MYBL1: variants seen among roughly 807,000 people sequenced by gnomAD.
MYBL1 encodes the protein myb-related protein A.
Under a neutral mutation model 96.3 loss-of-function variants are expected in MYBL1, and 17 were observed. The ratio of observed to expected loss-of-function variants is 0.18; its 90% CI spans 0.12 to 0.26. The LOEUF is 0.26. Among genes scored for constraint, MYBL1 ranks in the 10% least tolerant of loss-of-function variants. MYBL1 has a pLI of 1.00. For missense variants in MYBL1, 701 were observed against 882.9 expected (o/e 0.79, Z 2.61); for synonymous variants, 282 against 292.7 (o/e 0.96, Z 0.37).
Position 66,612,870 on chromosome 8 carries a change from G to T in MYBL1, c.-32C>A, listed in dbSNP as rs1393540410. The T allele has an allele frequency of 4.5e-6, 6 of 1,345,566 alleles. No individual in the cohort carries two copies. Among genetic ancestry groups the T allele is most frequent in the Non-Finnish European group, 5.8e-6 (6 of 1,038,432 alleles). 83.4% of individuals were successfully genotyped at this position (1,345,566 alleles called of 1,614,324 possible). A position where few individuals can be genotyped will look rare whatever the true frequency, so the allele number is the denominator to read the frequency against. ...AGTACCGCATAGGAGCAGGCTGGGC[G>T]GGGACGCGGGTCAGCCTCCTCCAGC... On this transcript the variant is annotated 5_prime_UTR_variant, in exon 1 of 16. Transcript: ENST00000522677.
intron 1 of MYBL1, 84 bp downstream of exon 1, chr8:66,612,735 A>G: frequency 1.5e-6 from 2 of 1,292,068 alleles, no homozygotes; most frequent in Non-Finnish European, 2.0e-6. Flanking sequence ...GGAGGGCCTT[A>G]TGGCGGGAGG....
rs757764108 is a variant in MYBL1 at position 66,576,144 on chromosome 8, C to T, written c.1333G>A (p.Ala445Thr). Residue 445 changes from alanine (A) to threonine (T), a missense_variant, in exon 10 of 16, where the codon GCC becomes ACC. This residue lies in a region of MYBL1 where 396 missense variants were observed against 407.4 expected (regional missense o/e 0.97). Coordinates refer to ENST00000522677, the MANE Select transcript of MYBL1 (RefSeq NM_001080416.4). ...PNIAKFSTPP[A>T]ILRKKRKMRV... ...ATTTTTCTCTTCTTTCTGAGGATGG[C>T]TGGTGGAGTGCTAAACTTGGCTATA... 3.7e-6 allele frequency: 6 copies of T among 1,613,944 alleles called. No individual in the cohort carries two copies. The highest frequency in any genetic ancestry group is 3.3e-4 in the Middle Eastern group (2 of 6,062).
chr8:66,599,369 A>T (rs1244850047), intron 3 of MYBL1, among the ~76,000 whole-genome samples: 2 of 152,248 alleles, frequency 1.3e-5, no homozygotes, highest in Non-Finnish European at 2.9e-5. Context: ...TTTATTTAAA[A>T]CTAAAGTGTG....
intron 3 of MYBL1, among the ~76,000 whole-genome samples, chr8:66,600,417 A>T (rs1810022905): frequency 1.3e-5 from 2 of 152,232 alleles, no homozygotes; most frequent in South Asian, 4.1e-4. Context: ...TTTAAGGCTG[A>T]CACTTTCTTC....
intron 1 of MYBL1, among the ~76,000 whole-genome samples, chr8:66,608,203 A>G (rs752258137): frequency 6.6e-6 from 1 of 152,150 alleles, no homozygotes; most frequent in Non-Finnish European, 1.5e-5. Flanking sequence ...CTTACTTTTT[A>G]CCCACATACT....
At chr8:66,602,742 T>C (rs1293546252) in intron 1 of MYBL1, among the ~76,000 whole-genome samples, 1 of 99,320 alleles carries the variant, frequency 1.0e-5, no homozygotes, top group African/African-American at 4.2e-5. Context: ...TATTTTTTTT[T>C]TTTTTTTTTT....
At position 66,580,355 on chromosome 8, in the gene MYBL1, A is replaced by G; in HGVS notation, c.879T>C (p.Ser293=). 1.3e-6 allele frequency: 2 copies of G among 1,599,492 alleles called. No homozygotes were observed. Among genetic ancestry groups the G allele is most frequent in the Non-Finnish European group, 1.7e-6 (2 of 1,168,456 alleles). ...GGAAACTACCAGACCAGCTAGAAAA[A>G]CTTCCAGGCTGCTAAAGGTACAAAA... is the stretch of plus-strand genomic sequence containing the variant. ...RRKRIPSQPG[S]FSSWSGSFLM... is the part of the protein sequence containing the mutation. Residue 293 remains serine, a synonymous_variant, in exon 9 of 16, where the codon AGT becomes AGC. Coordinates refer to ENST00000522677, the MANE Select transcript of MYBL1 (RefSeq NM_001080416.4).
intron 8 of MYBL1, among the ~76,000 whole-genome samples, chr8:66,590,727 G>A (rs1372252974): frequency 2.0e-5 from 3 of 151,802 alleles, no homozygotes; most frequent in Non-Finnish European, 4.4e-5. Flanking sequence ...AAGGCTCAAG[G>A]CATTATTTTA....
At position 66,592,431 on chromosome 8, in the gene MYBL1, A is replaced by G; in HGVS notation, c.867+9T>C. 6.5e-7 allele frequency: 1 copy of G among 1,534,566 alleles called. No homozygotes were observed. Among genetic ancestry groups the G allele is most frequent in the Non-Finnish European group, 8.9e-7 (1 of 1,124,282 alleles). The stretch of plus-strand genomic sequence containing the variant: ...TTCTAACAATACAAATAACAAGCTT[A>G]TTTCTTACTGATGGAATTCGCTTTC... On this transcript the variant is annotated intron_variant, in intron 8 of 15. Coordinates refer to ENST00000522677, the MANE Select transcript of MYBL1 (RefSeq NM_001080416.4).
At chr8:66,601,807 C>A (rs1438834143) in intron 2 of MYBL1, 38 bp from the exon 3 acceptor site, 5 of 1,096,194 alleles carry the variant, frequency 4.6e-6, no homozygotes, top group Non-Finnish European at 6.6e-6. Flanking sequence ...GCTTTCCCCC[C>A]GTCCTTTTCC....
At chr8:66,570,718 A>G (rs1303716751) in intron 12 of MYBL1, among the ~76,000 whole-genome samples, 1 of 152,230 alleles carries the variant, frequency 6.6e-6, no homozygotes, top group Non-Finnish European at 1.5e-5. Context: ...CAAAACACTG[A>G]AACAGCCTAA....
intron 3 of MYBL1, among the ~76,000 whole-genome samples, chr8:66,600,738 T>C (rs1810035615): frequency 6.6e-6 from 1 of 152,192 alleles, no homozygotes; most frequent in South Asian, 2.1e-4. Flanking sequence ...ATCTCAATTT[T>C]TGGGTTATGT....
intron 9 of MYBL1, 103 bp from the exon 10 acceptor site, chr8:66,576,478 T>A (rs1808952949): frequency 7.4e-7 from 1 of 1,343,886 alleles, no homozygotes; most frequent in Non-Finnish European, 1.0e-6. Context: ...ACAACTCATT[T>A]TATCAGTAAA....
intron 12 of MYBL1, among the ~76,000 whole-genome samples, chr8:66,570,486 T>G (rs1808685483): frequency 6.6e-6 from 1 of 152,138 alleles, no homozygotes; most frequent in South Asian, 2.1e-4. Context: ...TCCACTTATA[T>G]GTTCACCAAA....
chr8:66,607,777 A>G (rs1810380205), intron 1 of MYBL1, among the ~76,000 whole-genome samples: 1 of 152,208 alleles, frequency 6.6e-6, no homozygotes, highest in East Asian at 1.9e-4. Flanking sequence ...TAAATATTCA[A>G]TACAGAAAAG....
At chr8:66,585,604 G>A (rs573427052) in intron 8 of MYBL1, among the ~76,000 whole-genome samples, 32 of 152,154 alleles carry the variant, frequency 2.1e-4, no homozygotes, top group African/African-American at 7.2e-4. Flanking sequence ...TTAGCTGGGC[G>A]TGGTGGCAGG....
intron 8 of MYBL1, among the ~76,000 whole-genome samples, 162 bp downstream of exon 8, chr8:66,592,278 A>C (rs189141915): frequency 1.1e-3 from 167 of 152,238 alleles, no homozygotes; most frequent in African/African-American, 3.9e-3. Context: ...AAGAAAAAGA[A>C]AAAAACAGGC....
chr8:66,572,844 G>T (rs767034139), intron 11 of MYBL1, among the ~76,000 whole-genome samples: 3 of 152,038 alleles, frequency 2.0e-5, no homozygotes, highest in Non-Finnish European at 4.4e-5. Context: ...TACTAGAAAT[G>T]ATTGAAATCA....
intron 3 of MYBL1, among the ~76,000 whole-genome samples, chr8:66,600,894 G>A (rs1810039542): frequency 1.3e-5 from 2 of 152,098 alleles, no homozygotes; most frequent in East Asian, 3.9e-4. Flanking sequence ...GTGAGGACCA[G>A]GCGCGGTAAC....
Sources: gnomAD v4.1 joint callset for allele counts (sites outside exome capture counted in the v4.1 genomes callset) on GRCh38, gnomAD v4.1.1 for gene constraint, gnomAD v4.1.1 regional missense constraint, MANE v1.5 for transcripts, NCBI Gene and HGNC (gene_info 2026-07-23, HGNC 2026-07-21) for gene names.